Variants in SERPINE2 observed in about 807,000 individuals in gnomAD.
The protein encoded by SERPINE2 is glia-derived nexin.
In SERPINE2, 14 loss-of-function variants were observed where a neutral mutation model predicts 36.3. The ratio of observed to expected loss-of-function variants is 0.39; its 90% CI spans 0.25 to 0.60. SERPINE2 has a LOEUF of 0.60. Ranked by LOEUF, SERPINE2 falls within the 20% of genes least tolerant of loss-of-function variation. The probability of loss-of-function intolerance (pLI) is 0.57; values close to 1 mark genes in which losing one functional copy is unlikely to be tolerated. For synonymous variants in SERPINE2, 192 were observed against 191.8 expected, an observed-to-expected ratio of 1.00 and a Z score of -0.01; for missense variants, 418 against 499.6, an observed-to-expected ratio of 0.84 and a Z score of 1.56.
chr2:224,017,559 G>A (rs572082862), intron 1 of SERPINE2, among the ~76,000 whole-genome samples: 1 of 152,142 alleles, frequency 6.6e-6, no homozygotes, highest in Admixed American at 6.5e-5. Flanking sequence ...TTAACAAAAG[G>A]ATTTAGGACA....
intron 7 of SERPINE2, 41 bp downstream of exon 7, chr2:223,980,269 TC>T: frequency 6.7e-7 from 1 of 1,496,456 alleles, no homozygotes; most frequent in Non-Finnish European, 9.3e-7. Flanking sequence ...ATGTGTTTGC[TC>T]CCCTGCTAGA....
intron 1 of SERPINE2, among the ~76,000 whole-genome samples, chr2:224,004,672 CT>C (rs138242745): frequency 0.015 from 2,307 of 152,142 alleles, 51 homozygotes; most frequent in African/African-American, 0.052. Context: ...CCTTTTCTTT[CT>C]TTTGAGCAAT....
intron 1 of SERPINE2, among the ~76,000 whole-genome samples, chr2:224,022,239 G>T (rs1286747981): frequency 6.6e-6 from 1 of 151,356 alleles, no homozygotes; most frequent in East Asian, 1.9e-4. Flanking sequence ...GGCTGAGGTG[G>T]GAGAATCACT....
intron 1 of SERPINE2, among the ~76,000 whole-genome samples, chr2:224,015,642 A>T (rs984645123): frequency 1.3e-5 from 2 of 152,244 alleles, no homozygotes; most frequent in Admixed American, 6.5e-5. Context: ...AAACTGGAAG[A>T]ATCATTCACA....
chr2:224,031,148 G>C (rs2106202231), intron 1 of SERPINE2: 1 of 985,420 alleles, frequency 1.0e-6, no homozygotes, highest in South Asian at 4.7e-5. Flanking sequence ...CATGGTATCA[G>C]CTCACGGTTC....
At chr2:224,017,248 G>C (rs916111466) in intron 1 of SERPINE2, among the ~76,000 whole-genome samples, 2 of 128,966 alleles carry the variant, frequency 1.6e-5, no homozygotes, top group Non-Finnish European at 3.3e-5. Context: ...GGGTACACGA[G>C]AGCTCTCTGA....
chr2:224,000,136 C>T (rs1320349771), intron 2 of SERPINE2, among the ~76,000 whole-genome samples: 1 of 152,196 alleles, frequency 6.6e-6, no homozygotes. Context: ...CTCCAGCTGA[C>T]GACGCCAGTG....
chr2:224,025,399 T>C (rs1448443654), intron 1 of SERPINE2, among the ~76,000 whole-genome samples: 3 of 152,212 alleles, frequency 2.0e-5, no homozygotes, highest in Admixed American at 6.5e-5. Context: ...GTTAATTCTT[T>C]ATTTCTTTGA....
intron 8 of SERPINE2, among the ~76,000 whole-genome samples, 161 bp downstream of exon 8, chr2:223,977,383 T>A (rs1263647870): frequency 1.3e-5 from 2 of 152,230 alleles, no homozygotes; most frequent in Non-Finnish European, 2.9e-5. Context: ...GCCTTTATTT[T>A]CCTATCTCTT....
At chr2:224,022,509 A>G (rs532159829) in intron 1 of SERPINE2, among the ~76,000 whole-genome samples, 1 of 152,292 alleles carries the variant, frequency 6.6e-6, no homozygotes, top group South Asian at 2.1e-4. Flanking sequence ...GAAATTATCT[A>G]TTTCAATCAC....
chr2:224,009,382 T>C (rs1042019835), intron 1 of SERPINE2, among the ~76,000 whole-genome samples: 6 of 152,144 alleles, frequency 3.9e-5, no homozygotes, highest in African/African-American at 2.4e-5. Flanking sequence ...CAGCTTTTCC[T>C]GCCAGGGCTT....
At chr2:224,021,125 G>A (rs1295067717) in intron 1 of SERPINE2, among the ~76,000 whole-genome samples, 2 of 152,190 alleles carry the variant, frequency 1.3e-5, no homozygotes, top group Non-Finnish European at 2.9e-5. Context: ...AGTCAAACCT[G>A]ATGTGGTCTC....
chr2:223,990,738 G>A (rs1288905464), intron 4 of SERPINE2, among the ~76,000 whole-genome samples: 1 of 152,166 alleles, frequency 6.6e-6, no homozygotes, highest in Non-Finnish European at 1.5e-5. Flanking sequence ...AGCAGTTTGA[G>A]AGGCCAAGGC....
At chr2:224,038,669 C>A (rs1199264080) in intron 1 of SERPINE2, 2 of 686,216 alleles carry the variant, frequency 2.9e-6, no homozygotes, top group Non-Finnish European at 5.2e-6. Flanking sequence ...CTCTCCCCAT[C>A]CGGCGGCGCG....
chr2:224,000,211 T>C (rs1006304719), intron 2 of SERPINE2, among the ~76,000 whole-genome samples: 3 of 152,146 alleles, frequency 2.0e-5, no homozygotes, highest in Non-Finnish European at 4.4e-5. Context: ...AAGACTCCCT[T>C]GTTTCCAACG....
intron 1 of SERPINE2, chr2:224,038,650 T>C: frequency 1.3e-6 from 1 of 746,372 alleles, no homozygotes; most frequent in Non-Finnish European, 2.4e-6. Flanking sequence ...CAAGTAAGAG[T>C]GCGCCAGTCT....
intron 1 of SERPINE2, among the ~76,000 whole-genome samples, chr2:224,024,617 T>G (rs777770463): frequency 1.3e-5 from 2 of 152,190 alleles, no homozygotes; most frequent in Non-Finnish European, 2.9e-5. Flanking sequence ...AGTTTCCTCA[T>G]CTATAAGATC....
intron 1 of SERPINE2, chr2:224,031,229 G>A (rs1166443848): frequency 7.1e-6 from 7 of 980,112 alleles, no homozygotes; most frequent in African/African-American, 3.6e-5. Context: ...CATATTCACA[G>A]GGTGTGCCAC....
intron 1 of SERPINE2, among the ~76,000 whole-genome samples, chr2:224,005,091 AT>A (rs1289767701): frequency 3.5e-5 from 4 of 113,340 alleles, no homozygotes; most frequent in African/African-American, 1.5e-4. Context: ...ATATATATAT[AT>A]ATATAAAACA....
Sources: gnomAD v4.1 joint callset for allele counts (sites outside exome capture counted in the v4.1 genomes callset) on GRCh38, gnomAD v4.1.1 for gene constraint, MANE v1.5 for transcripts, NCBI Gene and HGNC (gene_info 2026-07-23, HGNC 2026-07-21) for gene names.